The following PLEKHM3 variants were observed in gnomAD, a reference collection of about 807,000 sequenced individuals.
PLEKHM3 encodes pleckstrin homology domain containing M3.
PLEKHM3 carries 45 observed loss-of-function variants against 81.8 expected under a neutral mutation model. That is an observed-to-expected ratio of 0.55 (90% CI 0.43 to 0.71). PLEKHM3 has a LOEUF of 0.71. Among genes scored for constraint, PLEKHM3 ranks in the 30% least tolerant of loss-of-function variants. The pLI is 0.00. For missense variants in PLEKHM3, 788 were observed against 924.3 expected, an observed-to-expected ratio of 0.85 and a Z score of 1.91; for synonymous variants, 352 against 356.4, an observed-to-expected ratio of 0.99 and a Z score of 0.14.
Position 207,984,426 on chromosome 2 carries a change from T to A in PLEKHM3, c.611-6840A>T, listed in dbSNP as rs796491387. Among the ~76,000 whole-genome samples the A allele has an allele frequency of 1.7e-4, 26 of 152,258 alleles. 1 individual carries two copies. Among genetic ancestry groups the A allele is most frequent in the African/African-American group, 6.3e-4 (26 of 41,546 alleles). The stretch of plus-strand genomic sequence containing the variant: ...TTTTTTTTGAGACGGAGTCTTGCTC[T>A]GTTGCCCAGGCTTGAGTGATCTCGG... On this transcript the variant is annotated intron_variant, in intron 2 of 7. Transcript: ENST00000427836.
intron 6 of PLEKHM3, among the ~76,000 whole-genome samples, chr2:207,892,843 T>C (rs1394819726): frequency 2.6e-5 from 4 of 152,142 alleles, no homozygotes; most frequent in African/African-American, 9.7e-5. Context: ...AATCCTTCCT[T>C]ATCCCAAGGA....
intron 4 of PLEKHM3, among the ~76,000 whole-genome samples, chr2:207,937,797 T>C (rs1397918618): frequency 6.6e-6 from 1 of 152,318 alleles, no homozygotes; most frequent in East Asian, 1.9e-4. Context: ...TTTATTCCCA[T>C]CTCTATCATA....
At chr2:207,910,942 C>T (rs765902615) in intron 5 of PLEKHM3, among the ~76,000 whole-genome samples, 1 of 152,126 alleles carries the variant, frequency 6.6e-6, no homozygotes, top group Non-Finnish European at 1.5e-5. Flanking sequence ...TCTAAGATGA[C>T]CCTGAAGTAT....
At chr2:208,000,935 G>A in intron 2 of PLEKHM3, 95 bp downstream of exon 2, 3 of 1,163,534 alleles carry the variant, frequency 2.6e-6, no homozygotes, top group Non-Finnish European at 3.5e-6. Context: ...CAATGATTCA[G>A]TAGAAGTCAG....
chr2:207,883,466 A>G (rs145740930), intron 6 of PLEKHM3, among the ~76,000 whole-genome samples: 165 of 152,358 alleles, frequency 1.1e-3, no homozygotes, highest in African/African-American at 3.7e-3. Context: ...TCAGGTTTTC[A>G]CATACATTTC....
chr2:208,009,405 T>G (rs771407412), intron 1 of PLEKHM3, among the ~76,000 whole-genome samples: 4 of 152,178 alleles, frequency 2.6e-5, no homozygotes, highest in Non-Finnish European at 5.9e-5. Context: ...AAACTGCCAC[T>G]GAATATCTTT....
intron 5 of PLEKHM3, among the ~76,000 whole-genome samples, chr2:207,921,973 G>T (rs1689197174): frequency 1.3e-5 from 2 of 152,188 alleles, no homozygotes; most frequent in African/African-American, 4.8e-5. Flanking sequence ...TTGACATAAT[G>T]ATTTCCTTTC....
chr2:208,003,798 T>C (rs554953047), intron 1 of PLEKHM3, among the ~76,000 whole-genome samples: 2 of 152,338 alleles, frequency 1.3e-5, no homozygotes, highest in South Asian at 4.1e-4. Flanking sequence ...CAATTTCATC[T>C]TGTATACCAG....
rs562444317 is a variant in PLEKHM3 at position 208,012,233 on chromosome 2, C to T, written c.-318-10276G>A. On this transcript the variant is annotated intron_variant, in intron 1 of 7. Transcript: ENST00000427836. ...ATTTTTTTGTATTTTTTAGTAGAGA[C>T]GGGGTTTCACCGTGTTAGCCAGGAT... Among the ~76,000 whole-genome samples, 11 of 152,086 alleles carry T rather than the reference C, an allele frequency of 7.2e-5. No individual in the cohort carries two copies. In the South Asian group the frequency reaches 1.0e-3, roughly 14 times the overall value.
chr2:207,952,299 C>T (rs1371878212), intron 3 of PLEKHM3, among the ~76,000 whole-genome samples: 2 of 152,208 alleles, frequency 1.3e-5, no homozygotes, highest in South Asian at 2.1e-4. Context: ...TTCCCTGTCC[C>T]TCCTTCCATC....
intron 7 of PLEKHM3, among the ~76,000 whole-genome samples, chr2:207,840,085 A>G (rs1283935345): frequency 6.6e-6 from 1 of 152,272 alleles, no homozygotes; most frequent in African/African-American, 2.4e-5. Context: ...TTCTAAGTCA[A>G]TCATTGCTAA....
chr2:207,935,012 G>A (rs1386731637), intron 4 of PLEKHM3, among the ~76,000 whole-genome samples: 1 of 152,208 alleles, frequency 6.6e-6, no homozygotes, highest in African/African-American at 2.4e-5. Context: ...TGGTATTATG[G>A]TGGTGGTAGT....
At chr2:207,998,940 G>C (rs1692204506) in intron 2 of PLEKHM3, among the ~76,000 whole-genome samples, 1 of 151,908 alleles carries the variant, frequency 6.6e-6, no homozygotes. Context: ...TCAAAGCAAA[G>C]CTATGATTCT....
chr2:207,874,720 T>C (rs938550273), intron 6 of PLEKHM3, among the ~76,000 whole-genome samples: 2 of 151,812 alleles, frequency 1.3e-5, no homozygotes, highest in Non-Finnish European at 2.9e-5. Flanking sequence ...GCCTTCTGAG[T>C]AGCTGGGACT....
chr2:207,997,762 G>A (rs1430571118), intron 2 of PLEKHM3, among the ~76,000 whole-genome samples: 2 of 152,186 alleles, frequency 1.3e-5, no homozygotes, highest in African/African-American at 4.8e-5. Flanking sequence ...GGAGATGCGA[G>A]TCTGCAGCTC....
intron 4 of PLEKHM3, among the ~76,000 whole-genome samples, chr2:207,942,778 T>C (rs1231983581): frequency 1.3e-5 from 2 of 152,160 alleles, no homozygotes; most frequent in Non-Finnish European, 2.9e-5. Context: ...CATGTGCCTG[T>C]AGTTCCAGTT....
intron 3 of PLEKHM3, among the ~76,000 whole-genome samples, chr2:207,974,612 T>A (rs1433047676): frequency 1.3e-5 from 2 of 152,186 alleles, no homozygotes; most frequent in East Asian, 1.9e-4. Context: ...GTACCATAAT[T>A]CCAGGATGTC....
chr2:207,968,836 A>T (rs943544307), intron 3 of PLEKHM3, among the ~76,000 whole-genome samples: 2 of 152,228 alleles, frequency 1.3e-5, no homozygotes, highest in African/African-American at 2.4e-5. Context: ...AATGACTTAG[A>T]CAATACAACA....
At chr2:208,004,870 G>T (rs1692446616) in intron 1 of PLEKHM3, among the ~76,000 whole-genome samples, 1 of 151,878 alleles carries the variant, frequency 6.6e-6, no homozygotes, top group Non-Finnish European at 1.5e-5. Context: ...TTTCGCCCAG[G>T]CTAGAGTGAA....
Sources: gnomAD v4.1 joint callset for allele counts (sites outside exome capture counted in the v4.1 genomes callset) on GRCh38, gnomAD v4.1.1 for gene constraint, MANE v1.5 for transcripts, NCBI Gene and HGNC (gene_info 2026-07-23, HGNC 2026-07-21) for gene names.